The following COA1 variants were observed in gnomAD, a reference collection of about 807,000 sequenced individuals.
COA1 encodes cytochrome c oxidase assembly factor 1, also known as cytochrome c oxidase assembly factor 1 homolog.
In COA1, 13 loss-of-function variants were observed where a neutral mutation model predicts 16.0. The observed-to-expected ratio is 0.81, with a 90% CI of 0.53 to 1.29. The LOEUF (loss-of-function observed/expected upper bound fraction) is 1.29. Ranked by LOEUF, COA1 falls within the 50% of genes most tolerant of loss-of-function variation. The pLI is 0.00. For missense variants in COA1, 179 were observed against 177.0 expected (o/e 1.01, Z -0.06); for synonymous variants, 65 against 65.7 (o/e 0.99, Z 0.05).
chr7:43,699,720 TATC>T (rs1466754911), intron 1 of COA1, among the ~76,000 whole-genome samples: 2 of 152,198 alleles, frequency 1.3e-5, no homozygotes, highest in Non-Finnish European at 2.9e-5. Flanking sequence ...CTAATTAGCA[TATC>T]ATCAACAGTA....
At chr7:43,656,157 C>T (rs919309688) in intron 1 of COA1, 6 of 152,134 alleles carry the variant, frequency 3.9e-5, no homozygotes, top group East Asian at 3.8e-4. Context: ...AGTCAACCTA[C>T]GGAATCATGA....
chr7:43,708,756 T>G (rs1054813066), intron 1 of COA1, among the ~76,000 whole-genome samples: 1 of 152,158 alleles, frequency 6.6e-6, no homozygotes, highest in Non-Finnish European at 1.5e-5. Flanking sequence ...TTATCTTTTA[T>G]TACCATTATT....
At chr7:43,671,813 T>G (rs186320296) in intron 1 of COA1, among the ~76,000 whole-genome samples, 35 of 152,234 alleles carry the variant, frequency 2.3e-4, no homozygotes, top group Admixed American at 2.0e-3. Flanking sequence ...TCATGAGATC[T>G]GGTGGTTTTA....
chr7:43,720,030 G>C (rs2095475032), intron 1 of COA1, among the ~76,000 whole-genome samples: 1 of 152,168 alleles, frequency 6.6e-6, no homozygotes, highest in Non-Finnish European at 1.5e-5. Flanking sequence ...TGTAATCCCA[G>C]CACTTTGGGA....
intron 6 of COA1, among the ~76,000 whole-genome samples, chr7:43,616,762 TG>T (rs781405368): frequency 6.4e-4 from 97 of 151,908 alleles, no homozygotes; most frequent in Non-Finnish European, 9.6e-4. Flanking sequence ...CCGGGCGTGG[TG>T]GCGGGCTCCT....
At chr7:43,716,377 G>A (rs1041427269) in intron 1 of COA1, among the ~76,000 whole-genome samples, 1 of 152,158 alleles carries the variant, frequency 6.6e-6, no homozygotes, top group Admixed American at 6.6e-5. Flanking sequence ...GAACTTGTTG[G>A]GAACTGGAGC....
chr7:43,647,213 C>T (rs2089582143), intron 3 of COA1: 2 of 396,430 alleles, frequency 5.0e-6, no homozygotes, highest in Admixed American at 4.1e-5. Context: ...CTGGTATTCC[C>T]CTTCCCTCTG....
chr7:43,704,263 T>C (rs1409744457), intron 1 of COA1, among the ~76,000 whole-genome samples: 3 of 152,234 alleles, frequency 2.0e-5, no homozygotes, highest in African/African-American at 7.2e-5. Context: ...ATGATGACTT[T>C]GGACAACCTG....
chr7:43,649,096 A>T (rs1378856067), intron 1 of COA1: 1 of 156,436 alleles, frequency 6.4e-6, no homozygotes, highest in African/African-American at 2.4e-5. Context: ...GGACTTTAAC[A>T]ATATTGATAA....
intron 1 of COA1, among the ~76,000 whole-genome samples, chr7:43,680,100 T>C (rs1357479571): frequency 6.6e-6 from 1 of 152,050 alleles, no homozygotes; most frequent in Non-Finnish European, 1.5e-5. Flanking sequence ...AAGAACCAAT[T>C]ATGTGTAGCT....
intron 1 of COA1, among the ~76,000 whole-genome samples, chr7:43,659,532 TG>T (rs1554517070): frequency 1.3e-5 from 2 of 152,192 alleles, no homozygotes; most frequent in Non-Finnish European, 2.9e-5. Flanking sequence ...ATTTTGCAAA[TG>T]AATATGAGTA....
intron 1 of COA1, among the ~76,000 whole-genome samples, chr7:43,700,697 A>C (rs905165048): frequency 1.3e-5 from 2 of 151,738 alleles, no homozygotes; most frequent in Non-Finnish European, 2.9e-5. Flanking sequence ...CAATAGTCCT[A>C]TTTTAAAGAA....
intron 6 of COA1, among the ~76,000 whole-genome samples, chr7:43,611,855 C>T (rs896646061): frequency 2.0e-5 from 3 of 152,118 alleles, no homozygotes; most frequent in African/African-American, 4.8e-5. Context: ...TAGCATTGCA[C>T]CTATAGGAAA....
In COA1 at chr7:43,620,502, C is replaced by T. The variant is rs188893939; in HGVS notation, c.*134-11007G>A. On this transcript the variant is annotated intron_variant and NMD_transcript_variant, in intron 6 of 6. Coordinates refer to the COA1 transcript ENST00000415076. ...CCAGCCTGGCCAACATGGCAAAACC[C>T]GTCTCTACTAAAAATACAAAAATTA... Among the ~76,000 whole-genome samples, 850 of 152,054 alleles carry T rather than the reference C, an allele frequency of 5.6e-3. 9 individuals are homozygous for T. Among genetic ancestry groups the T allele is most frequent in the African/African-American group, 0.02 (823 of 41,482 alleles).
chr7:43,710,453 T>C (rs1030640338), intron 1 of COA1, among the ~76,000 whole-genome samples: 2 of 148,768 alleles, frequency 1.3e-5, no homozygotes, highest in Admixed American at 1.4e-4. Flanking sequence ...AAGCCCAATG[T>C]TATAAAATAT....
intron 1 of COA1, among the ~76,000 whole-genome samples, chr7:43,707,649 GT>G (rs2095046366): frequency 6.6e-6 from 1 of 152,050 alleles, no homozygotes; most frequent in African/African-American, 2.4e-5. Flanking sequence ...TTGTGTGTGG[GT>G]TTTGTTCAAC....
At chr7:43,714,088 T>C (rs2095328604) in intron 1 of COA1, among the ~76,000 whole-genome samples, 1 of 152,080 alleles carries the variant, frequency 6.6e-6, no homozygotes, top group Admixed American at 6.6e-5. Context: ...TCCCAGCTAC[T>C]CAGGAGGGAG....
chr7:43,639,712 A>C, intron 5 of COA1, 31 bp from the exon 6 acceptor site: 1 of 1,560,578 alleles, frequency 6.4e-7, no homozygotes, highest in Non-Finnish European at 8.8e-7. Context: ...AGTATCTCTA[A>C]TCTATGAAGG....
chr7:43,612,946 C>G lies in COA1; in HGVS notation c.*134-3451G>C, dbSNP rs1220968994. 2.6e-5 allele frequency among the ~76,000 whole-genome samples: 4 copies of G among 152,164 alleles called. No homozygotes were observed. The East Asian group carries it at 7.7e-4, about 29-fold the overall frequency. ...AATATATAAAATGTTGCAGAAATTG[C>G]AAATCTGAGAAACAACAACCCTGGC... is the stretch of plus-strand genomic sequence containing the variant. On this transcript the variant is annotated intron_variant and NMD_transcript_variant, in intron 6 of 6. Transcript: ENST00000415076.
Sources: allele counts gnomAD v4.1 joint callset (sites outside exome capture counted in the v4.1 genomes callset), GRCh38; gene constraint gnomAD v4.1.1; transcripts MANE v1.5; gene names NCBI Gene and HGNC (gene_info 2026-07-23, HGNC 2026-07-21).